GALNT17: variants seen among roughly 807,000 people sequenced by gnomAD.
GALNT17 encodes the protein UDP-GalNAc:polypeptide N-acetylgalactosaminyltransferase-like 3.
Under a neutral mutation model 63.7 loss-of-function variants are expected in GALNT17, and 29 were observed. The observed-to-expected ratio is 0.46, with a 90% CI of 0.34 to 0.62. GALNT17 has a LOEUF of 0.62. Ranked by LOEUF, GALNT17 falls within the 20% of genes least tolerant of loss-of-function variation. The probability of loss-of-function intolerance (pLI) is 0.01; values close to 1 mark genes in which losing one functional copy is unlikely to be tolerated. For synonymous variants in GALNT17, 305 were observed against 318.3 expected (o/e 0.96, Z 0.45); for missense variants, 603 against 799.6 (o/e 0.75, Z 2.97).
intron 5 of GALNT17, among the ~76,000 whole-genome samples, chr7:71,499,280 A>G (rs1788143303): frequency 6.6e-6 from 1 of 152,196 alleles, no homozygotes; most frequent in African/African-American, 2.4e-5. Flanking sequence ...GGTATTTTGC[A>G]TGAACCAATA....
At chr7:71,684,651 CT>C (rs996934620) in intron 9 of GALNT17, among the ~76,000 whole-genome samples, 3 of 152,148 alleles carry the variant, frequency 2.0e-5, no homozygotes, top group South Asian at 2.1e-4. Context: ...TAGTAACCTC[CT>C]CCCATCCCCC....
chr7:71,134,182 G>A (rs926760046), intron 1 of GALNT17, among the ~76,000 whole-genome samples: 13 of 152,252 alleles, frequency 8.5e-5, no homozygotes, highest in African/African-American at 2.2e-4. Context: ...CTCTGTAATC[G>A]GAATAATAAT....
At chr7:71,690,877 C>T (rs1170016415) in intron 9 of GALNT17, among the ~76,000 whole-genome samples, 1 of 152,144 alleles carries the variant, frequency 6.6e-6, no homozygotes, top group African/African-American at 2.4e-5. Flanking sequence ...GTTGTTTCTT[C>T]ACGGATAAGC....
chr7:71,637,341 T>C (rs1161360742), intron 6 of GALNT17, among the ~76,000 whole-genome samples: 6 of 152,032 alleles, frequency 3.9e-5, no homozygotes, highest in Admixed American at 3.9e-4. Flanking sequence ...ACAGCCACCA[T>C]GTCCGGCTAA....
chr7:71,570,791 C>A (rs1789426836), intron 5 of GALNT17, among the ~76,000 whole-genome samples: 1 of 152,000 alleles, frequency 6.6e-6, no homozygotes, highest in South Asian at 2.1e-4. Flanking sequence ...ACCAGCCTGA[C>A]CAACATGGAG....
chr7:71,611,271 C>G (rs1790120894), intron 6 of GALNT17, among the ~76,000 whole-genome samples: 1 of 152,120 alleles, frequency 6.6e-6, no homozygotes, highest in African/African-American at 2.4e-5. Context: ...CCTCTACTGT[C>G]TGATTGAAAT....
chr7:71,510,269 C>T (rs1215841331), intron 5 of GALNT17, among the ~76,000 whole-genome samples: 1 of 152,106 alleles, frequency 6.6e-6, no homozygotes, highest in Non-Finnish European at 1.5e-5. Flanking sequence ...AATGTAATGG[C>T]TTTTAGAATA....
chr7:71,333,029 C>T (rs775236680), intron 1 of GALNT17, among the ~76,000 whole-genome samples: 1 of 152,200 alleles, frequency 6.6e-6, no homozygotes, highest in Admixed American at 6.5e-5. Context: ...TATTTAAAAG[C>T]GTACAGTTTA....
chr7:71,642,556 A>G (rs1460771209), intron 6 of GALNT17, among the ~76,000 whole-genome samples: 1 of 152,114 alleles, frequency 6.6e-6, no homozygotes, highest in African/African-American at 2.4e-5. Context: ...TAGATTCTTG[A>G]CTGGGTGCAG....
chr7:71,267,440 A>G (rs1003582676), intron 1 of GALNT17, among the ~76,000 whole-genome samples: 8 of 151,946 alleles, frequency 5.3e-5, no homozygotes, highest in African/African-American at 1.9e-4. Context: ...ATAGGTAGAA[A>G]TGACTTTGAA....
At chr7:71,586,623 C>A (rs1789721017) in intron 6 of GALNT17, among the ~76,000 whole-genome samples, 1 of 151,642 alleles carries the variant, frequency 6.6e-6, no homozygotes, top group South Asian at 2.1e-4. Flanking sequence ...TTCCACTGTT[C>A]CACCTCTTTT....
At chr7:71,266,667 T>G (rs1211596881) in intron 1 of GALNT17, among the ~76,000 whole-genome samples, 1 of 152,138 alleles carries the variant, frequency 6.6e-6, no homozygotes, top group Non-Finnish European at 1.5e-5. Flanking sequence ...TCACAGTTTT[T>G]GGGGGTTAGA....
chr7:71,502,712 G>A (rs1489116295), intron 5 of GALNT17, among the ~76,000 whole-genome samples: 3 of 152,212 alleles, frequency 2.0e-5, no homozygotes, highest in African/African-American at 4.8e-5. Context: ...GATGATGCCA[G>A]CACCCAGCCT....
intron 1 of GALNT17, among the ~76,000 whole-genome samples, chr7:71,242,673 G>T (rs1790021342): frequency 6.6e-6 from 1 of 152,124 alleles, no homozygotes; most frequent in Non-Finnish European, 1.5e-5. Flanking sequence ...AGTCAACTTG[G>T]ACTACAAGGA....
chr7:71,330,660 C>T (rs1791792518), intron 1 of GALNT17, among the ~76,000 whole-genome samples: 2 of 152,244 alleles, frequency 1.3e-5, no homozygotes, highest in African/African-American at 4.8e-5. Context: ...CCTCGGCCTC[C>T]CAAAGCACTG....
chr7:71,357,191 G>T (rs75012092), intron 2 of GALNT17, among the ~76,000 whole-genome samples: 1 of 152,146 alleles, frequency 6.6e-6, no homozygotes, highest in African/African-American at 2.4e-5. Context: ...CCATGGACTG[G>T]TACGAGTTTG....
intron 5 of GALNT17, among the ~76,000 whole-genome samples, chr7:71,446,051 AT>A (rs1787155745): frequency 6.6e-6 from 1 of 152,212 alleles, no homozygotes; most frequent in Non-Finnish European, 1.5e-5. Context: ...TAAATCTTAA[AT>A]TATATGAGGA....
intron 1 of GALNT17, among the ~76,000 whole-genome samples, chr7:71,245,848 G>GT (rs542136452): frequency 0.017 from 2,042 of 122,790 alleles, 45 homozygotes; most frequent in Middle Eastern, 0.02. Flanking sequence ...AAGAGAGCAG[G>GT]TTTTTTTTTT....
chr7:71,339,781 C>T (rs1354034732), intron 2 of GALNT17, among the ~76,000 whole-genome samples: 2 of 151,954 alleles, frequency 1.3e-5, no homozygotes, highest in Admixed American at 6.6e-5. Context: ...TTGGGTATGA[C>T]GTGGCATACT....
Sources: allele counts gnomAD v4.1 joint callset (sites outside exome capture counted in the v4.1 genomes callset), GRCh38; gene constraint gnomAD v4.1.1; transcripts MANE v1.5; gene names NCBI Gene and HGNC (gene_info 2026-07-23, HGNC 2026-07-21).